APBA1: variants seen among roughly 807,000 people sequenced by gnomAD.
APBA1 encodes the protein amyloid beta precursor protein binding family A member 1, also known as amyloid-beta A4 precursor protein-binding family A member 1.
Under a neutral mutation model 86.6 loss-of-function variants are expected in APBA1, and 55 were observed. The ratio of observed to expected loss-of-function variants is 0.64; its 90% CI spans 0.51 to 0.80. The LOEUF (loss-of-function observed/expected upper bound fraction) is 0.80. Ranked by LOEUF, APBA1 falls within the 30% of genes least tolerant of loss-of-function variation. The probability of loss-of-function intolerance (pLI) is 0.00; values close to 1 mark genes in which losing one functional copy is unlikely to be tolerated. For synonymous variants in APBA1, 511 were observed against 493.9 expected (o/e 1.03, Z -0.46); for missense variants, 1,090 against 1,183.0 (o/e 0.92, Z 1.15).
At chr9:69,432,791 G>T in intron 11 of APBA1, 115 bp from the exon 12 acceptor site, 1 of 1,106,574 alleles carries the variant, frequency 9.0e-7, no homozygotes, top group Non-Finnish European at 1.2e-6. Flanking sequence ...AACTGACATG[G>T]TTAGGCTTTG....
intron 11 of APBA1, among the ~76,000 whole-genome samples, chr9:69,435,603 G>GTGTT (rs1306248238): frequency 6.6e-6 from 1 of 152,236 alleles, no homozygotes; most frequent in Non-Finnish European, 1.5e-5. Flanking sequence ...CTTTTGAGAA[G>GTGTT]TGTTTGTTCA....
intron 1 of APBA1, among the ~76,000 whole-genome samples, chr9:69,522,906 GAC>G (rs1447482098): frequency 1.3e-5 from 2 of 152,002 alleles, no homozygotes; most frequent in Admixed American, 6.5e-5. Flanking sequence ...TGACCTGGAA[GAC>G]ACATGCAGAA....
Position 69,492,823 on chromosome 9 carries a change from T to C in APBA1, c.1201-16680A>G, listed in dbSNP as rs932705492. On this transcript the variant is annotated intron_variant, in intron 2 of 12. Coordinates refer to ENST00000265381, the MANE Select transcript of APBA1 (RefSeq NM_001163.4). ...TACCCCAGCAAGCCCTAGCCAACTT[T>C]AATGAGTTCCAATACTTGTTGGCCT... 2.0e-5 allele frequency among the ~76,000 whole-genome samples: 3 copies of C among 152,116 alleles called. 1 individual carries two copies. Among genetic ancestry groups the C allele is most frequent in the Non-Finnish European group, 2.9e-5 (2 of 68,030 alleles).
chr9:69,554,237 CTACCAAGTGAGTATTG>C (rs1328393135), intron 1 of APBA1, among the ~76,000 whole-genome samples: 2 of 152,204 alleles, frequency 1.3e-5, no homozygotes, highest in African/African-American at 4.8e-5. Flanking sequence ...CCTCACAACA[CTACCAAGTGAGTATTG>C]TTCTTCCCAC....
At chr9:69,436,266 T>C (rs189657891) in intron 11 of APBA1, among the ~76,000 whole-genome samples, 1 of 150,032 alleles carries the variant, frequency 6.7e-6, no homozygotes, top group Non-Finnish European at 1.5e-5. Context: ...ATGTGGGCTC[T>C]TTTTTGGTTC....
chr9:69,653,239 C>A (rs533277691), intron 1 of APBA1, among the ~76,000 whole-genome samples: 11 of 152,160 alleles, frequency 7.2e-5, no homozygotes, highest in African/African-American at 2.6e-4. Flanking sequence ...GATAAAGTGG[C>A]CAGTACAGCA....
At chr9:69,531,371 G>T (rs1836431181) in intron 1 of APBA1, among the ~76,000 whole-genome samples, 1 of 152,120 alleles carries the variant, frequency 6.6e-6, no homozygotes. Context: ...TCAATTATCA[G>T]AATTTTCTCT....
At chr9:69,670,785 T>C (rs1823934253) in intron 1 of APBA1, among the ~76,000 whole-genome samples, 1 of 152,140 alleles carries the variant, frequency 6.6e-6, no homozygotes, top group Non-Finnish European at 1.5e-5. Flanking sequence ...GTGGGCTCTA[T>C]CAGGTAGGAA....
intron 1 of APBA1, among the ~76,000 whole-genome samples, chr9:69,526,890 T>C (rs903934388): frequency 6.6e-6 from 1 of 152,038 alleles, no homozygotes; most frequent in Non-Finnish European, 1.5e-5. Flanking sequence ...TGGAATACTA[T>C]GCAGCCATGA....
At chr9:69,604,200 A>G (rs1162628278) in intron 1 of APBA1, among the ~76,000 whole-genome samples, 1 of 151,152 alleles carries the variant, frequency 6.6e-6, no homozygotes, top group Non-Finnish European at 1.5e-5. Flanking sequence ...GCATGCACAC[A>G]CTTGAGGGTA....
Position 69,615,061 on chromosome 9 carries a change from G to A in APBA1, c.-70+57092C>T, listed in dbSNP as rs776292503. Among the ~76,000 whole-genome samples the A allele has an allele frequency of 2.6e-5, 4 of 152,092 alleles. No individual in the cohort carries two copies. In the South Asian group the frequency reaches 6.2e-4, roughly 24 times the overall value. ...CAAAAAATACAAAAATTAGCTGGGCGTGGTGGTGTACACCTGTAGTCCCAG... is the reference window on the plus strand; with the variant it reads ...CAAAAAATACAAAAATTAGCTGGGCATGGTGGTGTACACCTGTAGTCCCAG... On this transcript the variant is annotated intron_variant, in intron 1 of 12. Transcript: ENST00000265381.
intron 2 of APBA1, among the ~76,000 whole-genome samples, chr9:69,488,379 T>C (rs1176564947): frequency 6.6e-6 from 1 of 152,120 alleles, no homozygotes; most frequent in Non-Finnish European, 1.5e-5. Context: ...TCAGTACTAC[T>C]TCTCTGTTCT....
chr9:69,472,868 G>A (rs78705728), intron 3 of APBA1, among the ~76,000 whole-genome samples: 1 of 152,158 alleles, frequency 6.6e-6, no homozygotes, highest in African/African-American at 2.4e-5. Context: ...TGATAACTTG[G>A]TTAATACTTG....
At chr9:69,436,529 C>A (rs1465546110) in intron 11 of APBA1, among the ~76,000 whole-genome samples, 1 of 149,708 alleles carries the variant, frequency 6.7e-6, no homozygotes, top group Non-Finnish European at 1.5e-5. Flanking sequence ...GTATTGTATT[C>A]TCTTTGAAGC....
intron 1 of APBA1, among the ~76,000 whole-genome samples, chr9:69,520,486 T>A (rs994521647): frequency 6.6e-6 from 1 of 152,080 alleles, no homozygotes. Context: ...AAAGCAAAAA[T>A]TTTAAACACC....
chr9:69,652,351 A>G (rs982835795), intron 1 of APBA1, among the ~76,000 whole-genome samples: 1 of 152,170 alleles, frequency 6.6e-6, no homozygotes, highest in African/African-American at 2.4e-5. Flanking sequence ...TCTAAGGGCT[A>G]GTCAGAGTGA....
At chr9:69,664,272 C>T (rs2134029072) in intron 1 of APBA1, among the ~76,000 whole-genome samples, 1 of 152,264 alleles carries the variant, frequency 6.6e-6, no homozygotes, top group Admixed American at 6.5e-5. Context: ...TGGGAAGGAG[C>T]TTTACAATTG....
intron 1 of APBA1, among the ~76,000 whole-genome samples, chr9:69,620,314 C>T (rs748274529): frequency 6.6e-6 from 1 of 152,226 alleles, no homozygotes; most frequent in Non-Finnish European, 1.5e-5. Context: ...AAGGTACACA[C>T]TAAGCTAGGA....
rs561794224 is a variant in APBA1, at chr9:69,592,607, T to G, written c.-69-75328A>C. ...AAGACCCTATCTCTTTAAAAATAAA[T>G]AAAGAAATAAATAGTGGTTTCTGAT... is the stretch of plus-strand genomic sequence containing the variant. On this transcript the variant is annotated intron_variant, in intron 1 of 12. Transcript: ENST00000265381. Among the ~76,000 whole-genome samples, 14 of 152,184 alleles carry G rather than the reference T, an allele frequency of 9.2e-5. No individual in the cohort carries two copies. In the East Asian group the frequency reaches 1.2e-3, roughly 13 times the overall value.
Sources: gnomAD v4.1 joint callset for allele counts (sites outside exome capture counted in the v4.1 genomes callset) on GRCh38, gnomAD v4.1.1 for gene constraint, MANE v1.5 for transcripts, NCBI Gene and HGNC (gene_info 2026-07-23, HGNC 2026-07-21) for gene names.